The following SNTG1 variants were observed in gnomAD, a reference collection of about 807,000 sequenced individuals.
SNTG1 encodes the protein syntrophin gamma 1.
Under a neutral mutation model 74.7 loss-of-function variants are expected in SNTG1, and 39 were observed. The observed-to-expected ratio is 0.52, with a 90% CI of 0.40 to 0.68. The LOEUF (loss-of-function observed/expected upper bound fraction) is 0.68. SNTG1 is among the 30% of genes least tolerant of loss of function. SNTG1 has a pLI of 0.00. For synonymous variants in SNTG1, 254 were observed against 217.1 expected, an observed-to-expected ratio of 1.17 and a Z score of -1.49; for missense variants, 685 against 609.5, an observed-to-expected ratio of 1.12 and a Z score of -1.30.
chr8:50,128,074 C>G (rs141318047), intron 1 of SNTG1, among the ~76,000 whole-genome samples: 4 of 152,122 alleles, frequency 2.6e-5, no homozygotes, highest in Non-Finnish European at 5.9e-5. Flanking sequence ...AACTTAGTAG[C>G]ACTGCATATT....
chr8:50,112,346 GA>G (rs1035113212), intron 1 of SNTG1, among the ~76,000 whole-genome samples: 2 of 151,804 alleles, frequency 1.3e-5, no homozygotes, highest in African/African-American at 4.8e-5. Flanking sequence ...AGAGAAAAAA[GA>G]ATAAAGATAA....
At chr8:50,673,830 G>C (rs999221652) in intron 15 of SNTG1, among the ~76,000 whole-genome samples, 5 of 151,690 alleles carry the variant, frequency 3.3e-5, no homozygotes, top group African/African-American at 9.7e-5. Context: ...AAATAGCTCT[G>C]ATTATTTTGA....
At chr8:50,350,816 G>A (rs1157027257) in intron 2 of SNTG1, among the ~76,000 whole-genome samples, 1 of 152,186 alleles carries the variant, frequency 6.6e-6, no homozygotes, top group Non-Finnish European at 1.5e-5. Context: ...GCACCAATCA[G>A]CACCCTGTCA....
intron 13 of SNTG1, among the ~76,000 whole-genome samples, chr8:50,618,557 C>T (rs985985499): frequency 6.6e-5 from 10 of 152,326 alleles, no homozygotes; most frequent in African/African-American, 2.4e-4. Context: ...TCACAGTTCT[C>T]AAGGCCAAGA....
At chr8:50,448,381 C>T (rs1309956883) in intron 5 of SNTG1, among the ~76,000 whole-genome samples, 1 of 151,802 alleles carries the variant, frequency 6.6e-6, no homozygotes, top group African/African-American at 2.4e-5. Context: ...AGTATACTGG[C>T]AATTCAGTGT....
chr8:50,260,510 AACACACACACAC>A lies in SNTG1; in HGVS notation c.-28+87881_-28+87892del, dbSNP rs10649962. On this transcript the variant is annotated intron_variant, in intron 2 of 18. Transcript: ENST00000642720. ...ACCCAGTACATCACATCCAGCTTTT[AACACACACACAC>A]ACACAGACACACACACACACTACAC... Among the ~76,000 whole-genome samples the A allele has an allele frequency of 1.1e-3, 156 of 143,614 alleles. 1 individual carries two copies. The highest frequency in any genetic ancestry group is 3.5e-3 in the African/African-American group (138 of 39,424). The allele number at this position is 143,614 out of a possible 152,430, so 94.2% of individuals were successfully genotyped here.
intron 4 of SNTG1, among the ~76,000 whole-genome samples, chr8:50,411,476 C>CAA (rs148341471): frequency 1.1e-4 from 16 of 144,116 alleles, no homozygotes; most frequent in Non-Finnish European, 2.3e-4. Flanking sequence ...GACTCCATCT[C>CAA]AAAAAAAAAA....
intron 13 of SNTG1, among the ~76,000 whole-genome samples, chr8:50,652,209 G>C (rs10110303): frequency 0.77 from 117,515 of 152,064 alleles, 46,302 homozygotes; most frequent in East Asian, 0.92. Context: ...CATTTAATAC[G>C]TGCTTTATCA....
intron 15 of SNTG1, among the ~76,000 whole-genome samples, chr8:50,672,866 A>G (rs994326096): frequency 1.3e-5 from 2 of 152,064 alleles, no homozygotes; most frequent in Non-Finnish European, 2.9e-5. Flanking sequence ...TTTTTGTTTA[A>G]GGTGTAAGGA....
At chr8:50,013,625 C>T (rs116346693) in intron 1 of SNTG1, among the ~76,000 whole-genome samples, 5 of 151,758 alleles carry the variant, frequency 3.3e-5, no homozygotes, top group African/African-American at 1.2e-4. Context: ...TAAACTAACA[C>T]ATAATAATTT....
chr8:50,225,232 A>T (rs534908491), intron 2 of SNTG1, among the ~76,000 whole-genome samples: 1 of 152,150 alleles, frequency 6.6e-6, no homozygotes, highest in East Asian at 1.9e-4. Flanking sequence ...TCAGCCTCCC[A>T]AAGTGCGTAT....
intron 2 of SNTG1, among the ~76,000 whole-genome samples, chr8:50,315,266 G>T (rs2090272803): frequency 6.7e-6 from 1 of 149,472 alleles, no homozygotes; most frequent in Admixed American, 6.8e-5. Context: ...CCCATATGTT[G>T]GCTACGGAAA....
chr8:50,302,289 C>T (rs1046072393), intron 2 of SNTG1, among the ~76,000 whole-genome samples: 3 of 152,160 alleles, frequency 2.0e-5, no homozygotes, highest in African/African-American at 7.2e-5. Flanking sequence ...TTCCTGTTGC[C>T]TATTAGGTGT....
chr8:50,775,319 G>T, intron 18 of SNTG1, among the ~76,000 whole-genome samples: 1 of 151,466 alleles, frequency 6.6e-6, no homozygotes, highest in East Asian at 1.9e-4. Flanking sequence ...CAGAACACCT[G>T]CATCCTGATC....
intron 17 of SNTG1, among the ~76,000 whole-genome samples, chr8:50,736,470 T>C (rs1212826816): frequency 6.6e-6 from 1 of 152,004 alleles, no homozygotes; most frequent in Non-Finnish European, 1.5e-5. Flanking sequence ...TCCCACACAG[T>C]AAGAGTGGAA....
chr8:50,463,915 A>G (rs945086794), intron 8 of SNTG1, among the ~76,000 whole-genome samples: 9 of 152,184 alleles, frequency 5.9e-5, no homozygotes, highest in Non-Finnish European at 8.8e-5. Context: ...TTCATCATTT[A>G]TCTTCACTAG....
intron 2 of SNTG1, among the ~76,000 whole-genome samples, chr8:50,330,330 G>T (rs1167505461): frequency 6.6e-6 from 1 of 152,102 alleles, no homozygotes; most frequent in Non-Finnish European, 1.5e-5. Flanking sequence ...CAGCCTTGCT[G>T]AACTGTGAGT....
At chr8:50,335,509 G>A (rs543834904) in intron 2 of SNTG1, among the ~76,000 whole-genome samples, 149 of 152,182 alleles carry the variant, frequency 9.8e-4, no homozygotes, top group Non-Finnish European at 1.7e-3. Flanking sequence ...CTATCGCCAG[G>A]GCACTGATCA....
chr8:50,100,655 T>C (rs1451080271), intron 1 of SNTG1, among the ~76,000 whole-genome samples: 1 of 152,160 alleles, frequency 6.6e-6, no homozygotes, highest in Non-Finnish European at 1.5e-5. Context: ...TTACTTTCTT[T>C]GAAGAGAAGC....
Sources: gnomAD v4.1 joint callset for allele counts (sites outside exome capture counted in the v4.1 genomes callset) on GRCh38, gnomAD v4.1.1 for gene constraint, MANE v1.5 for transcripts, NCBI Gene and HGNC (gene_info 2026-07-23, HGNC 2026-07-21) for gene names.